Variants in MACROD2 observed in about 807,000 individuals in gnomAD.
MACROD2 encodes the protein ADP-ribose glycohydrolase MACROD2.
A neutral mutation model predicts 70.4 loss-of-function variants in MACROD2; 36 were observed. The ratio of observed to expected loss-of-function variants is 0.51; its 90% CI spans 0.39 to 0.68. MACROD2 has a LOEUF of 0.68. Ranked by LOEUF, MACROD2 falls within the 30% of genes least tolerant of loss-of-function variation. The pLI, the probability that MACROD2 is intolerant of heterozygous loss-of-function variation, is 0.00. For synonymous variants in MACROD2, 172 were observed against 178.8 expected (o/e 0.96, Z 0.30); for missense variants, 496 against 538.4 (o/e 0.92, Z 0.78).
chr20:15,909,660 A>G (rs899569713), intron 10 of MACROD2, among the ~76,000 whole-genome samples: 2 of 150,790 alleles, frequency 1.3e-5, no homozygotes, highest in Admixed American at 6.6e-5. Context: ...AGTAGCTGGG[A>G]CTACAGGCGC....
chr20:15,532,057 G>T (rs572402093), intron 8 of MACROD2, among the ~76,000 whole-genome samples: 14 of 152,102 alleles, frequency 9.2e-5, no homozygotes, highest in Admixed American at 3.9e-4. Context: ...ATTTAGTTCT[G>T]CATGGTAAGA....
At chr20:15,937,992 T>A (rs933966685) in intron 12 of MACROD2, among the ~76,000 whole-genome samples, 2 of 151,854 alleles carry the variant, frequency 1.3e-5, no homozygotes, top group African/African-American at 2.4e-5. Context: ...TAGAAATGAA[T>A]CTTTGGCAAG....
intron 6 of MACROD2, among the ~76,000 whole-genome samples, chr20:15,384,739 TATAAA>T (rs1425354712): frequency 1.3e-5 from 2 of 152,166 alleles, no homozygotes; most frequent in East Asian, 3.9e-4. Flanking sequence ...ACAATTAAAA[TATAAA>T]ATAAAATTAT....
intron 5 of MACROD2, among the ~76,000 whole-genome samples, chr20:15,214,689 T>C (rs1425226786): frequency 1.3e-5 from 2 of 152,230 alleles, no homozygotes; most frequent in Admixed American, 6.5e-5. Context: ...TTGTTTAGGA[T>C]TTTTATTGTA....
intron 7 of MACROD2, among the ~76,000 whole-genome samples, chr20:15,494,783 G>A (rs552532878): frequency 2.0e-4 from 31 of 151,386 alleles, no homozygotes; most frequent in South Asian, 1.7e-3. Flanking sequence ...GTGTGCGCGC[G>A]TGTGTGCAGT....
chr20:15,070,818 A>G (rs13044866), intron 5 of MACROD2, among the ~76,000 whole-genome samples: 4,115 of 152,146 alleles, frequency 0.027, 68 homozygotes, highest in Middle Eastern at 0.044. Context: ...CCTTTATGGC[A>G]ACTCAAAACA....
At chr20:15,548,277 G>T (rs1208203417) in intron 8 of MACROD2, among the ~76,000 whole-genome samples, 2 of 152,168 alleles carry the variant, frequency 1.3e-5, no homozygotes, top group African/African-American at 2.4e-5. Context: ...AAATGCCACA[G>T]TTAAAACATA....
chr20:14,724,720 G>A (rs191119220), intron 5 of MACROD2, among the ~76,000 whole-genome samples: 2 of 152,292 alleles, frequency 1.3e-5, no homozygotes, highest in Admixed American at 6.5e-5. Flanking sequence ...AGTGAGACTT[G>A]AGCATGATCA....
At chr20:14,972,427 G>C (rs1011158125) in intron 5 of MACROD2, among the ~76,000 whole-genome samples, 1 of 152,058 alleles carries the variant, frequency 6.6e-6, no homozygotes, top group African/African-American at 2.4e-5. Context: ...TAAGCATAGG[G>C]TTGGGTCTGT....
At chr20:15,565,889 C>T (rs1325746316) in intron 8 of MACROD2, among the ~76,000 whole-genome samples, 2 of 152,106 alleles carry the variant, frequency 1.3e-5, no homozygotes, top group Non-Finnish European at 2.9e-5. Flanking sequence ...ACCTGGTCTA[C>T]TTTACCAAGC....
At chr20:15,924,583 A>G (rs1197462387) in intron 10 of MACROD2, among the ~76,000 whole-genome samples, 1 of 152,122 alleles carries the variant, frequency 6.6e-6, no homozygotes, top group African/African-American at 2.4e-5. Context: ...AAACCTTTCC[A>G]TTCCTCTCCC....
intron 10 of MACROD2, among the ~76,000 whole-genome samples, chr20:15,931,957 G>T (rs1409627700): frequency 6.6e-6 from 1 of 152,066 alleles, no homozygotes; most frequent in Non-Finnish European, 1.5e-5. Context: ...GGATTCTCTT[G>T]CCTCGGAATT....
At chr20:16,012,917 C>G (rs772895308) in intron 15 of MACROD2, among the ~76,000 whole-genome samples, 104 of 152,222 alleles carry the variant, frequency 6.8e-4, no homozygotes, top group Non-Finnish European at 1.3e-3. Context: ...CGCAGTGACT[C>G]ACGCCTGTAA....
chr20:15,877,976 T>C, intron 9 of MACROD2, among the ~76,000 whole-genome samples: 1 of 151,996 alleles, frequency 6.6e-6, no homozygotes, highest in Non-Finnish European at 1.5e-5. Flanking sequence ...CCCTTGGGAG[T>C]GGAGAGGATG....
At chr20:14,807,677 G>T (rs2072656179) in intron 5 of MACROD2, among the ~76,000 whole-genome samples, 1 of 152,086 alleles carries the variant, frequency 6.6e-6, no homozygotes, top group African/African-American at 2.4e-5. Flanking sequence ...CCCAATGGAA[G>T]GAAGCTAAGA....
chr20:15,906,490 G>A (rs758000008), intron 10 of MACROD2, among the ~76,000 whole-genome samples: 2 of 151,916 alleles, frequency 1.3e-5, no homozygotes, highest in Non-Finnish European at 2.9e-5. Flanking sequence ...TCCTGCATGA[G>A]CACAATAAAA....
intron 5 of MACROD2, among the ~76,000 whole-genome samples, chr20:14,853,469 A>G (rs1340524336): frequency 6.6e-6 from 1 of 151,732 alleles, no homozygotes; most frequent in Non-Finnish European, 1.5e-5. Context: ...AATAGGGTGG[A>G]GTCTGGAGGT....
chr20:14,591,511 A>C (rs989494596), intron 4 of MACROD2, among the ~76,000 whole-genome samples: 2 of 152,216 alleles, frequency 1.3e-5, no homozygotes, highest in African/African-American at 2.4e-5. Flanking sequence ...TTTCAGCTGC[A>C]CCTGTGCTTA....
chr20:14,809,845 A>T (rs2072687572), intron 5 of MACROD2, among the ~76,000 whole-genome samples: 1 of 152,102 alleles, frequency 6.6e-6, no homozygotes, highest in South Asian at 2.1e-4. Context: ...AGAAATGGAT[A>T]AATTCCTGGA....
Sources: gnomAD v4.1 joint callset for allele counts (sites outside exome capture counted in the v4.1 genomes callset) on GRCh38, gnomAD v4.1.1 for gene constraint, MANE v1.5 for transcripts, NCBI Gene and HGNC (gene_info 2026-07-23, HGNC 2026-07-21) for gene names.